Variants in PDSS1 observed in about 807,000 individuals in gnomAD.
PDSS1 encodes all trans-polyprenyl-diphosphate synthase PDSS1.
Under a neutral mutation model 57.5 loss-of-function variants are expected in PDSS1, and 43 were observed. The observed-to-expected ratio is 0.75, with a 90% CI of 0.59 to 0.96. The LOEUF is 0.96. Ranked by LOEUF, PDSS1 falls within the 50% of genes least tolerant of loss-of-function variation. PDSS1 has a pLI of 0.00. For missense variants in PDSS1, 438 were observed against 527.8 expected (o/e 0.83, Z 1.67); for synonymous variants, 175 against 191.3 (o/e 0.91, Z 0.70).
chr10:26,744,552 G>A lies in PDSS1; in HGVS notation c.1108-1781G>A, dbSNP rs935782934. Among the ~76,000 whole-genome samples the A allele has an allele frequency of 5.9e-5, 9 of 151,838 alleles. No homozygotes were observed. The South Asian group carries it at 8.3e-4, about 14-fold the overall frequency. On this transcript the variant is annotated intron_variant, in intron 11 of 11. Transcript: ENST00000376215. Reference sequence around the variant, plus strand: ...ACTACAGGCACCCGCCACCACGCCCGGCTGATTTTTGTATTTTTAGTGGAG... The same window carrying A: ...ACTACAGGCACCCGCCACCACGCCCAGCTGATTTTTGTATTTTTAGTGGAG...
At chr10:26,738,491 A>G (rs1836477723) in intron 10 of PDSS1, among the ~76,000 whole-genome samples, 1 of 152,236 alleles carries the variant, frequency 6.6e-6, no homozygotes, top group African/African-American at 2.4e-5. Context: ...AGAGCAGGTA[A>G]CTAACCCACC....
At chr10:26,739,029 T>A (rs1588706581) in intron 10 of PDSS1, among the ~76,000 whole-genome samples, 1 of 152,314 alleles carries the variant, frequency 6.6e-6, no homozygotes, top group African/African-American at 2.4e-5. Flanking sequence ...ATATCTTTTT[T>A]AAAAAAACCA....
intron 2 of PDSS1, 112 bp from the exon 3 acceptor site, chr10:26,704,565 C>A (rs1835149051): frequency 2.9e-6 from 2 of 678,088 alleles, no homozygotes; most frequent in Non-Finnish European, 5.3e-6. Context: ...TTGCAATCTA[C>A]CTGTAAATGG....
At chr10:26,730,352 G>A (rs1836139213) in intron 8 of PDSS1, among the ~76,000 whole-genome samples, 4 of 152,080 alleles carry the variant, frequency 2.6e-5, no homozygotes, top group Admixed American at 1.3e-4. Flanking sequence ...TCTCATGCCT[G>A]TAATCCTAGC....
chr10:26,732,179 TC>T, intron 8 of PDSS1, among the ~76,000 whole-genome samples: 1 of 152,376 alleles, frequency 6.6e-6, no homozygotes, highest in African/African-American at 2.4e-5. Context: ...TCTGTGCACC[TC>T]TTTGCCTTCT....
intron 8 of PDSS1, among the ~76,000 whole-genome samples, chr10:26,729,338 G>A (rs763938235): frequency 2.0e-5 from 3 of 152,186 alleles, no homozygotes; most frequent in Non-Finnish European, 2.9e-5. Context: ...TCAATGGACA[G>A]AGCTAGGAAA....
chr10:26,702,532 A>G (rs984940107), intron 2 of PDSS1, among the ~76,000 whole-genome samples: 3 of 152,164 alleles, frequency 2.0e-5, no homozygotes, highest in Non-Finnish European at 4.4e-5. Flanking sequence ...CTAGTGAAGA[A>G]GGTGCCTTGC....
At chr10:26,737,991 T>G (rs1489638605) in intron 10 of PDSS1, among the ~76,000 whole-genome samples, 1 of 152,182 alleles carries the variant, frequency 6.6e-6, no homozygotes. Flanking sequence ...ATTTCAAAAG[T>G]AGACTGATGT....
intron 11 of PDSS1, 42 bp downstream of exon 11, chr10:26,742,619 C>A: frequency 8.2e-7 from 1 of 1,219,560 alleles, no homozygotes; most frequent in Non-Finnish European, 1.2e-6. Context: ...GCAGGAACAA[C>A]GTGGCAAAAT....
At chr10:26,700,857 T>C (rs1432731351) in intron 1 of PDSS1, among the ~76,000 whole-genome samples, 1 of 152,136 alleles carries the variant, frequency 6.6e-6, no homozygotes, top group African/African-American at 2.4e-5. Context: ...GGCATTGATA[T>C]AAGATACCTG....
chr10:26,741,815 G>A (rs1214746392), intron 10 of PDSS1, among the ~76,000 whole-genome samples: 1 of 152,122 alleles, frequency 6.6e-6, no homozygotes, highest in Non-Finnish European at 1.5e-5. Context: ...AGAAACTGGG[G>A]GAGAGGCCCC....
In PDSS1 at chr10:26,736,666, A is replaced by T. The variant is rs1335449210; in HGVS notation, c.1026+1087A>T. Among the ~76,000 whole-genome samples the T allele has an allele frequency of 5.9e-5, 9 of 152,284 alleles. No homozygotes were observed. In the East Asian group the frequency reaches 1.7e-3, roughly 29 times the overall value. ...GGCTGACGTTCTGGGTGGCTGGACC[A>T]GGCTACTTTGGCAGCTTGCTAAGGC... On this transcript the variant is annotated intron_variant, in intron 10 of 11. Transcript: ENST00000376215.
chr10:26,698,403 G>C (rs1225780182), intron 1 of PDSS1, among the ~76,000 whole-genome samples: 1 of 152,168 alleles, frequency 6.6e-6, no homozygotes, highest in African/African-American at 2.4e-5. Flanking sequence ...ACCTGGATGG[G>C]GCTGGAATGA....
In PDSS1 at chr10:26,697,856, G is replaced by T. The variant is rs2132196346; in HGVS notation, c.129+16G>T. 1 of 1,305,106 alleles carries T rather than the reference G, an allele frequency of 7.7e-7. No individual in the cohort carries two copies. Among genetic ancestry groups the T allele is most frequent in the Non-Finnish European group, 9.8e-7 (1 of 1,018,286 alleles). The allele number at this position is 1,305,106 out of a possible 1,614,324, so 80.8% of individuals were successfully genotyped here. A position where few individuals can be genotyped will look rare whatever the true frequency, so the allele number is the denominator to read the frequency against. On this transcript the variant is annotated intron_variant, in intron 1 of 11. Transcript: ENST00000376215. ...CCGCGCGCAGGTGAGGTTGGGAGGC[G>T]CGCGCCCGGCGGGGCTCAGAGGTCA...
intron 4 of PDSS1, among the ~76,000 whole-genome samples, chr10:26,706,411 G>C (rs1000253396): frequency 2.6e-5 from 4 of 152,208 alleles, no homozygotes; most frequent in African/African-American, 9.7e-5. Flanking sequence ...CAATTGGCCA[G>C]CTTGCCTGCG....
chr10:26,709,560 T>TA, intron 4 of PDSS1, 78 bp from the exon 5 acceptor site: 1 of 1,402,168 alleles, frequency 7.1e-7, no homozygotes. Flanking sequence ...AAACTCCGTC[T>TA]CAAAAAAAAA....
At chr10:26,702,736 G>C (rs946079991) in intron 2 of PDSS1, among the ~76,000 whole-genome samples, 2 of 152,194 alleles carry the variant, frequency 1.3e-5, no homozygotes, top group Non-Finnish European at 2.9e-5. Context: ...TGTAGTCCCA[G>C]CTACTCAGTA....
At chr10:26,718,959 C>G in intron 5 of PDSS1, among the ~76,000 whole-genome samples, 1 of 152,072 alleles carries the variant, frequency 6.6e-6, no homozygotes, top group Admixed American at 6.6e-5. Flanking sequence ...ATTACAGCAC[C>G]TTTTATGTAG....
intron 8 of PDSS1, among the ~76,000 whole-genome samples, chr10:26,733,225 A>G (rs1190586662): frequency 6.6e-6 from 1 of 152,192 alleles, no homozygotes; most frequent in African/African-American, 2.4e-5. Context: ...ACGTGGAAAT[A>G]TCTTGATTCC....
Sources: allele counts gnomAD v4.1 joint callset (sites outside exome capture counted in the v4.1 genomes callset), GRCh38; gene constraint gnomAD v4.1.1; transcripts MANE v1.5; gene names NCBI Gene and HGNC (gene_info 2026-07-23, HGNC 2026-07-21).